COL27A1: variants seen among roughly 807,000 people sequenced by gnomAD.
COL27A1 encodes the protein collagen alpha-1(XXVII) chain.
A neutral mutation model predicts 251.3 loss-of-function variants in COL27A1; 106 were observed. That is an observed-to-expected ratio of 0.42 (90% CI 0.36 to 0.50). The LOEUF (loss-of-function observed/expected upper bound fraction) is 0.50, where lower values mean the gene tolerates loss of function less well. Among genes scored for constraint, COL27A1 ranks in the 20% least tolerant of loss-of-function variants. The pLI, the probability that COL27A1 is intolerant of heterozygous loss-of-function variation, is 0.00. For missense variants in COL27A1, 2,325 were observed against 2,522.8 expected (o/e 0.92, Z 1.68); for synonymous variants, 1,000 against 986.3 (o/e 1.01, Z -0.26).
intron 28 of COL27A1, among the ~76,000 whole-genome samples, chr9:114,263,180 G>A (rs988745370): frequency 2.2e-4 from 34 of 151,992 alleles, no homozygotes; most frequent in Admixed American, 7.9e-4. Flanking sequence ...CTCATGATCC[G>A]CCCACCTCAT....
At position 114,310,791 on chromosome 9, in the gene COL27A1, C is replaced by G; in HGVS notation, c.*96C>G. Reference sequence around the variant, plus strand: ...GGGCAGATGGCTCCAGGAGAGGCAGCTCCCCTGCCCAAGGGTCCTTGGGCA... The same window carrying G: ...GGGCAGATGGCTCCAGGAGAGGCAGGTCCCCTGCCCAAGGGTCCTTGGGCA... On this transcript the variant is annotated 3_prime_UTR_variant, in exon 61 of 61. Transcript: ENST00000356083. 1 of 1,353,898 alleles carries G rather than the reference C, an allele frequency of 7.4e-7. No homozygotes were observed. The highest frequency in any genetic ancestry group is 1.0e-6 in the Non-Finnish European group (1 of 976,536). The allele number at this position is 1,353,898 out of a possible 1,614,324, so 83.9% of individuals were successfully genotyped here.
rs1213651900 is a variant in COL27A1, at chr9:114,304,794, TTGG to T, written c.4938+125_4938+127del. 6.0e-6 allele frequency: 5 copies of T among 828,578 alleles called. No homozygotes were observed. The East Asian group carries it at 1.0e-4, about 17-fold the overall frequency. 51.3% of individuals were successfully genotyped at this position (828,578 alleles called of 1,614,324 possible). A position where few individuals can be genotyped will look rare whatever the true frequency, so the allele number is the denominator to read the frequency against. ...CATGGAGCATTTCAGAGTCCTGGTC[TTGG>T]TGGCATCTCGCATCCACAAATGGGG... On this transcript the variant is annotated intron_variant, in intron 57 of 60. Transcript: ENST00000356083.
rs1827967055 is a variant in COL27A1, at chr9:114,292,180, C to G, written c.4554C>G (p.Asn1518Lys). The change falls in exon 49 of 61, where the codon AAC becomes AAG. Residue 1518 changes from asparagine (N) to lysine (K), a missense_variant. By Grantham distance (94) the Asn-to-Lys change is moderately conservative. Coordinates refer to ENST00000356083, the MANE Select transcript of COL27A1 (RefSeq NM_032888.4). ...GTEGRTGLPG[N>K]QGEPGSKGQP... ...AGGGCAGAACGGGGCTCCCTGGAAA[C>G]CAGGGGGAGCCTGGGTCCAAAGGCC... The G allele has an allele frequency of 1.3e-6, 2 of 1,557,292 alleles. No individual in the cohort carries two copies. Among genetic ancestry groups the G allele is most frequent in the Admixed American group, 1.9e-5 (1 of 51,640 alleles).
At chr9:114,248,711 A>G (rs116692036) in intron 24 of COL27A1, among the ~76,000 whole-genome samples, 1,617 of 152,244 alleles carry the variant, frequency 0.011, 29 homozygotes, top group African/African-American at 0.036. Context: ...GGGATGGGGC[A>G]CTTGCTGTAT....
chr9:114,186,777 A>G (rs1322188305), intron 5 of COL27A1, among the ~76,000 whole-genome samples: 1 of 152,234 alleles, frequency 6.6e-6, no homozygotes, highest in Non-Finnish European at 1.5e-5. Context: ...CATTTAGGCC[A>G]TTTGAGAAGC....
chr9:114,264,531 T>A, intron 29 of COL27A1, 123 bp downstream of exon 29: 1 of 710,254 alleles, frequency 1.4e-6, no homozygotes. Context: ...CCATGGAGGC[T>A]GCAGGGCTCT....
At chr9:114,240,520 C>G in intron 21 of COL27A1, 33 bp downstream of exon 21, 1 of 1,592,862 alleles carries the variant, frequency 6.3e-7, no homozygotes, top group Non-Finnish European at 8.5e-7. Context: ...ACTGCCCATC[C>G]TGGCCTGATT....
At chr9:114,299,896 C>A (rs185966262) in intron 49 of COL27A1, among the ~76,000 whole-genome samples, 174 bp from the exon 50 acceptor site, 2 of 152,200 alleles carry the variant, frequency 1.3e-5, no homozygotes, top group Non-Finnish European at 2.9e-5. Flanking sequence ...AGAGCCCAGG[C>A]GGACTGGCAT....
chr9:114,290,954 C>G lies in COL27A1; in HGVS notation c.4476+37C>G. 6.8e-7 allele frequency: 1 copy of G among 1,462,628 alleles called. No homozygotes were observed. Among genetic ancestry groups the G allele is most frequent in the South Asian group, 1.2e-5 (1 of 80,430 alleles). 90.6% of individuals were successfully genotyped at this position (1,462,628 alleles called of 1,614,324 possible). A position where few individuals can be genotyped will look rare whatever the true frequency, so the allele number is the denominator to read the frequency against. ...CTTAATACACTTACCCACCCTCTGC[C>G]CTTTCTGCCTTGATGCAGACTCTAG... On this transcript the variant is annotated intron_variant, in intron 48 of 60. Transcript: ENST00000356083. The surrounding 1 kb of genome is among the most constrained non-coding windows in gnomAD (Gnocchi z 4.6).
upstream of COL27A1, among the ~76,000 whole-genome samples, chr9:114,154,274 C>A (rs887350727): frequency 1.3e-5 from 2 of 152,250 alleles, no homozygotes; most frequent in South Asian, 4.1e-4. The surrounding 1 kb of genome is among the most constrained non-coding windows in gnomAD (Gnocchi z 5.8). Flanking sequence ...GACCTCGCCC[C>A]CCGCCCCCGC....
intron 10 of COL27A1, 119 bp downstream of exon 10, chr9:114,206,415 T>A: frequency 2.0e-6 from 2 of 1,008,116 alleles, no homozygotes; most frequent in South Asian, 2.7e-5. Context: ...CCCACTTGAG[T>A]GCTCCCGGAC....
intron 37 of COL27A1, among the ~76,000 whole-genome samples, chr9:114,277,917 A>C (rs1393052487): frequency 6.6e-6 from 1 of 152,230 alleles, no homozygotes; most frequent in Non-Finnish European, 1.5e-5. Context: ...AACACATGGC[A>C]GAAATAGCCT....
chr9:114,250,280 C>T (rs544023478), intron 24 of COL27A1, among the ~76,000 whole-genome samples: 8 of 152,362 alleles, frequency 5.3e-5, no homozygotes, highest in African/African-American at 1.4e-4. Flanking sequence ...ATGGCCTCTT[C>T]CCAGCTCAGC....
At chr9:114,157,075 A>AACACACAC (rs150446535) in intron 1 of COL27A1, among the ~76,000 whole-genome samples, 1,663 of 117,484 alleles carry the variant, frequency 0.014, 34 homozygotes, top group African/African-American at 0.046. Context: ...CCCTCACCAC[A>AACACACAC]ACACACACAC....
Position 114,222,398 on chromosome 9 carries a change from G to T in COL27A1, c.2466+131G>T, listed in dbSNP as rs566378318. ...CCCTTCTCTCATCAAACCCCCAGAG[G>T]GGCTGGGGGGCCAGGAGAGACCAAC... On this transcript the variant is annotated intron_variant, in intron 14 of 60. Transcript: ENST00000356083. 6.0e-6 allele frequency: 5 copies of T among 837,810 alleles called. No homozygotes were observed. In the East Asian group the frequency reaches 1.4e-4, roughly 23 times the overall value. The allele number at this position is 837,810 out of a possible 1,614,324, so 51.9% of individuals were successfully genotyped here. A position where few individuals can be genotyped will look rare whatever the true frequency, so the allele number is the denominator to read the frequency against.
intron 14 of COL27A1, among the ~76,000 whole-genome samples, chr9:114,228,327 C>T (rs935992090): frequency 1.3e-5 from 2 of 152,242 alleles, no homozygotes; most frequent in Non-Finnish European, 2.9e-5. Flanking sequence ...GCCTGGCCCC[C>T]GGCAGAGAAA....
At chr9:114,242,564 G>A (rs1010412537) in intron 22 of COL27A1, among the ~76,000 whole-genome samples, 3 of 152,228 alleles carry the variant, frequency 2.0e-5, no homozygotes, top group Admixed American at 1.3e-4. Context: ...CAGTGGGGAC[G>A]CCCTGCCTGG....
intron 32 of COL27A1, 137 bp from the exon 33 acceptor site, chr9:114,266,427 CG>C (rs1442220084): frequency 4.4e-5 from 28 of 634,220 alleles, no homozygotes. Context: ...CCAGGACCCT[CG>C]GTGTGGCTGG....
At chr9:114,301,788 C>T (rs1436885069) in intron 55 of COL27A1, 71 bp downstream of exon 55, 24 of 1,450,558 alleles carry the variant, frequency 1.7e-5, no homozygotes, top group African/African-American at 2.8e-5. Flanking sequence ...AAGGCTTCAC[C>T]GGCAGACTAA....
Sources: allele counts gnomAD v4.1 joint callset (sites outside exome capture counted in the v4.1 genomes callset), GRCh38; gene constraint gnomAD v4.1.1; non-coding constraint Gnocchi (gnomAD v3.1); transcripts MANE v1.5; gene names NCBI Gene and HGNC (gene_info 2026-07-23, HGNC 2026-07-21).